Variants in TMCO6 observed in about 807,000 individuals in gnomAD.
The protein encoded by TMCO6 is transmembrane and coiled-coil domains 6, also known as transmembrane and coiled-coil domain-containing protein 6.
Under a neutral mutation model 61.8 loss-of-function variants are expected in TMCO6, and 47 were observed. The observed-to-expected ratio is 0.76, with a 90% CI of 0.60 to 0.97. TMCO6 has a LOEUF of 0.97. Ranked by LOEUF, TMCO6 falls within the 50% of genes least tolerant of loss-of-function variation. The pLI, the probability that TMCO6 is intolerant of heterozygous loss-of-function variation, is 0.00. For missense variants in TMCO6, 557 were observed against 601.6 expected, an observed-to-expected ratio of 0.93 and a Z score of 0.78; for synonymous variants, 261 against 254.2, an observed-to-expected ratio of 1.03 and a Z score of -0.25.
the TMCO6 span, among the ~76,000 whole-genome samples, chr5:140,623,129 C>G: frequency 6.6e-6 from 1 of 152,128 alleles, no homozygotes; most frequent in Non-Finnish European, 1.5e-5. Context: ...TGTAAGAAAA[C>G]CCAGTTCCCC....
At chr5:140,632,588 C>T in the TMCO6 span, 1 of 1,614,036 alleles carries the variant, frequency 6.2e-7, no homozygotes, top group South Asian at 1.1e-5. The surrounding 1 kb of genome is among the most constrained non-coding windows in gnomAD (Gnocchi z 6.2). Flanking sequence ...GCAGCGGAGG[C>T]ATGGTGCCGG....
At chr5:140,621,961 A>G in the TMCO6 span, among the ~76,000 whole-genome samples, 2 of 152,178 alleles carry the variant, frequency 1.3e-5, no homozygotes, top group African/African-American at 2.4e-5. Flanking sequence ...ATCAATGACA[A>G]TGGTGCCCGA....
the TMCO6 span, among the ~76,000 whole-genome samples, chr5:140,629,935 A>G: frequency 3.2e-5 from 2 of 63,354 alleles, no homozygotes; most frequent in East Asian, 5.4e-4. Context: ...CTCTGCCTCA[A>G]AAAAAAAAAA....
downstream of TMCO6, chr5:140,647,456 C>T (rs200503970): frequency 5.4e-4 from 873 of 1,608,642 alleles, 4 homozygotes; most frequent in African/African-American, 0.01. Context: ...TCCCGAAGCC[C>T]GCCCGCCTCA....
At chr5:140,634,318 C>T in the TMCO6 span, among the ~76,000 whole-genome samples, 84,973 of 151,504 alleles carry the variant, frequency 0.56, 24,302 homozygotes, top group African/African-American at 0.65. Flanking sequence ...TCACCAGTTT[C>T]GCAAAAAACA....
At chr5:140,645,498 G>A (rs761414231), downstream of TMCO6, 6 of 1,513,892 alleles carry the variant, frequency 4.0e-6, no homozygotes, top group South Asian at 6.8e-5. Context: ...AGCTTTATGA[G>A]GAATAGGAGA....
chr5:140,629,081 C>T, the TMCO6 span, among the ~76,000 whole-genome samples: 14 of 152,204 alleles, frequency 9.2e-5, no homozygotes, highest in South Asian at 2.7e-3. Context: ...CTAGCCTGGC[C>T]AACATGGTGA....
At chr5:140,612,334 C>CTTTTTTTTTT in the TMCO6 span, among the ~76,000 whole-genome samples, 3 of 112,228 alleles carry the variant, frequency 2.7e-5, no homozygotes, top group Non-Finnish European at 3.4e-5. Flanking sequence ...CTTGCCCAAT[C>CTTTTTTTTTT]TTTTTTTTTT....
chr5:140,647,664 G>C, downstream of TMCO6: 1 of 1,522,616 alleles, frequency 6.6e-7, no homozygotes, highest in Non-Finnish European at 8.9e-7. Flanking sequence ...CTAAAGCCTA[G>C]CCCATAGGCT....
In TMCO6 at chr5:140,642,916, T is replaced by C; in HGVS notation, c.690-9T>C. The stretch of plus-strand genomic sequence containing the variant: ...TGGTTCCTACTTACAGCCCTGCTTC[T>C]GCCAGCAGCTCCATCTTGGCCTCCA... On this transcript the variant is annotated splice_polypyrimidine_tract_variant and intron_variant, in intron 6 of 11. Transcript: ENST00000394671. The C allele has an allele frequency of 6.2e-7, 1 of 1,614,162 alleles. No individual in the cohort carries two copies. Among genetic ancestry groups the C allele is most frequent in the Non-Finnish European group, 8.5e-7 (1 of 1,180,024 alleles).
chr5:140,598,645 C>G, the TMCO6 span, among the ~76,000 whole-genome samples: 3 of 152,158 alleles, frequency 2.0e-5, no homozygotes, highest in Non-Finnish European at 4.4e-5. Context: ...AAGTAAGTGT[C>G]TATTCCTGGC....
the TMCO6 span, chr5:140,632,634 C>A: frequency 1.2e-6 from 2 of 1,613,778 alleles, no homozygotes; most frequent in Non-Finnish European, 1.7e-6. This position sits in a 1 kb window ranked among gnomAD's most constrained non-coding sequence, Gnocchi z 6.2. Context: ...TTCCTTGAGG[C>A]GGGAGTACGC....
At chr5:140,646,469 GTC>G (rs1215930653), downstream of TMCO6, among the ~76,000 whole-genome samples, 1 of 152,042 alleles carries the variant, frequency 6.6e-6, no homozygotes, top group East Asian at 1.9e-4. Context: ...TGTCTACTGT[GTC>G]TCACAGATAT....
chr5:140,635,393 T>C (rs1415672536), upstream of TMCO6, among the ~76,000 whole-genome samples: 3 of 152,254 alleles, frequency 2.0e-5, no homozygotes, highest in African/African-American at 7.2e-5. Flanking sequence ...GTAAAGTCTT[T>C]GGCACAGAAA....
intron 4 of TMCO6, 95 bp downstream of exon 4, chr5:140,642,148 T>C: frequency 6.6e-7 from 1 of 1,508,048 alleles, no homozygotes; most frequent in South Asian, 1.2e-5. Context: ...GAAGAAAACA[T>C]GTTTGCCCTT....
chr5:140,624,748 G>A, the TMCO6 span, among the ~76,000 whole-genome samples: 18 of 150,674 alleles, frequency 1.2e-4, no homozygotes, highest in Admixed American at 1.1e-3. Flanking sequence ...GGCTGGTCTC[G>A]AACTCCTGAC....
At chr5:140,630,452 T>TA in the TMCO6 span, among the ~76,000 whole-genome samples, 1 of 152,146 alleles carries the variant, frequency 6.6e-6, no homozygotes, top group Non-Finnish European at 1.5e-5. Flanking sequence ...TTCTCACACA[T>TA]AAAAAACTAT....
the TMCO6 span, chr5:140,632,936 G>C: frequency 6.2e-7 from 1 of 1,614,134 alleles, no homozygotes; most frequent in Non-Finnish European, 8.5e-7. The surrounding 1 kb of genome is among the most constrained non-coding windows in gnomAD (Gnocchi z 6.2). Context: ...TCGCAGAGAC[G>C]TGCACCAGCG....
the TMCO6 span, among the ~76,000 whole-genome samples, chr5:140,629,250 CAGAG>C: frequency 6.6e-6 from 1 of 151,700 alleles, no homozygotes; most frequent in African/African-American, 2.4e-5. Flanking sequence ...GCCTAGGTGA[CAGAG>C]AGAGACTCTG....
Sources: allele counts gnomAD v4.1 joint callset (sites outside exome capture counted in the v4.1 genomes callset), GRCh38; gene constraint gnomAD v4.1.1; non-coding constraint Gnocchi (gnomAD v3.1); transcripts MANE v1.5; gene names NCBI Gene and HGNC (gene_info 2026-07-23, HGNC 2026-07-21).